The following GRAMD4 variants were observed in gnomAD, a reference collection of about 807,000 sequenced individuals.
The protein encoded by GRAMD4 is GRAM domain containing 4.
A neutral mutation model predicts 83.9 loss-of-function variants in GRAMD4; 25 were observed. The ratio of observed to expected loss-of-function variants is 0.30; its 90% confidence interval spans 0.22 to 0.42. The LOEUF is 0.42. Ranked by LOEUF, GRAMD4 falls within the 10% of genes least tolerant of loss-of-function variation. The pLI is 1.00. For missense variants in GRAMD4, 593 were observed against 788.7 expected (o/e 0.75, Z 2.97); for synonymous variants, 336 against 320.9 (o/e 1.05, Z -0.50).
intron 17 of GRAMD4, 43 bp downstream of exon 17, chr22:46,675,595 C>CG: frequency 8.0e-7 from 1 of 1,246,630 alleles, no homozygotes; most frequent in Non-Finnish European, 1.2e-6. Context: ...GTGTTTTCTT[C>CG]GTCACCTGAC....
At chr22:46,616,437 CCCCTGTGCGTGTAGGTTCCCCCGT>C, upstream of GRAMD4, among the ~76,000 whole-genome samples, 1 of 121,444 alleles carries the variant, frequency 8.2e-6, no homozygotes, top group African/African-American at 3.3e-5. Flanking sequence ...TGAGTAGGTT[CCCCTGTGCGTGTAGGTTCCCCCGT>C]GTGTAGGTTC....
intron 1 of GRAMD4, among the ~76,000 whole-genome samples, chr22:46,586,827 G>A (rs996765096): frequency 6.6e-6 from 1 of 152,196 alleles, no homozygotes; most frequent in Non-Finnish European, 1.5e-5. Flanking sequence ...CAGCTGATGA[G>A]GAGGGAGCTG....
chr22:46,663,778 G>C (rs776464728), intron 6 of GRAMD4, 60 bp from the exon 7 acceptor site: 13 of 1,548,238 alleles, frequency 8.4e-6, no homozygotes, highest in African/African-American at 2.7e-5. Flanking sequence ...CGGGCAGTGG[G>C]GACTGCAGAG....
intron 1 of GRAMD4, among the ~76,000 whole-genome samples, chr22:46,597,211 C>T (rs1291620062): frequency 1.3e-5 from 2 of 152,160 alleles, no homozygotes; most frequent in South Asian, 2.1e-4. Flanking sequence ...CAGACCAGCT[C>T]CTGCTCAGTG....
At chr22:46,658,604 G>C (rs898632160) in intron 4 of GRAMD4, among the ~76,000 whole-genome samples, 1 of 152,112 alleles carries the variant, frequency 6.6e-6, no homozygotes, top group Non-Finnish European at 1.5e-5. Flanking sequence ...CTGAAGAGAG[G>C]CTTGGCATGG....
At chr22:46,635,065 CTGG>C (rs2081839334) in intron 2 of GRAMD4, among the ~76,000 whole-genome samples, 1 of 149,460 alleles carries the variant, frequency 6.7e-6, no homozygotes, top group African/African-American at 2.5e-5. Flanking sequence ...GGTACCACCC[CTGG>C]CCACTCCTGT....
chr22:46,680,060 C>T (rs1009750022), downstream of GRAMD4, among the ~76,000 whole-genome samples: 9 of 152,108 alleles, frequency 5.9e-5, no homozygotes, highest in South Asian at 2.1e-4. Context: ...GGCCAGGTGG[C>T]GAGGGACGCG....
At chr22:46,585,019 C>T (rs1602291099) in intron 1 of GRAMD4, among the ~76,000 whole-genome samples, 3 of 152,276 alleles carry the variant, frequency 2.0e-5, no homozygotes, top group Admixed American at 6.5e-5. Flanking sequence ...TCTACAGAGC[C>T]GCATCTGCTG....
At position 46,678,845 on chromosome 22, in the gene GRAMD4, G is replaced by A. The variant is rs1472285541; in HGVS notation, c.*1594G>A. The stretch of plus-strand genomic sequence containing the variant: ...CCGGGGGTGCTTTGGGGGGAGCTGC[G>A]CCGATCACCAGATTAAGCACATGTC... On this transcript the variant is annotated 3_prime_UTR_variant, in exon 19 of 19. Coordinates refer to ENST00000406902, the MANE Select transcript of GRAMD4 (RefSeq NM_015124.5). 22 of 985,968 alleles carry A rather than the reference G, an allele frequency of 2.2e-5. No homozygotes were observed. The highest frequency in any genetic ancestry group is 2.3e-5 in the Non-Finnish European group (19 of 830,074). 61.1% of individuals were successfully genotyped at this position (985,968 alleles called of 1,614,324 possible). A position where few individuals can be genotyped will look rare whatever the true frequency, so the allele number is the denominator to read the frequency against.
intron 3 of GRAMD4, among the ~76,000 whole-genome samples, chr22:46,639,905 G>A (rs1045792776): frequency 2.6e-5 from 4 of 152,072 alleles, no homozygotes; most frequent in South Asian, 2.1e-4. Context: ...ATGGGCTGCC[G>A]ACAGGGTTCA....
At chr22:46,668,562 G>T in intron 11 of GRAMD4, 127 bp from the exon 12 acceptor site, 1 of 883,928 alleles carries the variant, frequency 1.1e-6, no homozygotes, top group East Asian at 2.4e-5. Flanking sequence ...CCTAGGAGCA[G>T]CCGGGCAGGA....
rs1023167004 is a variant in GRAMD4 at position 46,678,127 on chromosome 22, C to T, written c.*876C>T. On this transcript the variant is annotated 3_prime_UTR_variant, in exon 19 of 19. Coordinates refer to ENST00000406902, the MANE Select transcript of GRAMD4 (RefSeq NM_015124.5). ...ACATCCGCGAAGGCTGTTGGAGGTG[C>T]TCCGAGCACTGTGGCATGTCTGGCA... 2.4e-4 allele frequency: 241 copies of T among 985,504 alleles called. No homozygotes were observed. Among genetic ancestry groups the T allele is most frequent in the Non-Finnish European group, 2.8e-4 (235 of 830,062 alleles). 61.0% of individuals were successfully genotyped at this position (985,504 alleles called of 1,614,324 possible).
Position 46,678,859 on chromosome 22 carries a change from T to TA in GRAMD4, c.*1610dup. On this transcript the variant is annotated 3_prime_UTR_variant, in exon 19 of 19. Transcript: ENST00000406902. ...GGGGGAGCTGCGCCGATCACCAGAT[T>TA]AAGCACATGTCCTATCCCAGGCGGT... 1 of 986,004 alleles carries TA rather than the reference T, an allele frequency of 1.0e-6. No individual in the cohort carries two copies. Among genetic ancestry groups the TA allele is most frequent in the Non-Finnish European group, 1.2e-6 (1 of 830,020 alleles). 61.1% of individuals were successfully genotyped at this position (986,004 alleles called of 1,614,324 possible). A position where few individuals can be genotyped will look rare whatever the true frequency, so the allele number is the denominator to read the frequency against.
At chr22:46,671,159 C>T (rs1330401398) in intron 13 of GRAMD4, 3 of 455,860 alleles carry the variant, frequency 6.6e-6, no homozygotes, top group South Asian at 3.1e-5. Context: ...CCTGGGTCGG[C>T]CACCACGTGG....
intron 1 of GRAMD4, among the ~76,000 whole-genome samples, chr22:46,595,231 A>G (rs1251989070): frequency 6.6e-6 from 1 of 152,194 alleles, no homozygotes; most frequent in Non-Finnish European, 1.5e-5. Flanking sequence ...CTACAGGTAG[A>G]GACCATGCGA....
At chr22:46,631,421 C>T (rs1036108403) in intron 2 of GRAMD4, among the ~76,000 whole-genome samples, 2 of 149,342 alleles carry the variant, frequency 1.3e-5, no homozygotes, top group African/African-American at 5.1e-5. Flanking sequence ...TAGAACCTCA[C>T]AGCCTGTGTC....
intron 2 of GRAMD4, among the ~76,000 whole-genome samples, chr22:46,629,628 G>T (rs1243830806): frequency 6.6e-6 from 1 of 152,174 alleles, no homozygotes; most frequent in Non-Finnish European, 1.5e-5. Flanking sequence ...CTTGGGGGTT[G>T]GTTTTATAAC....
rs138489 is a variant in GRAMD4 at position 46,620,455 on chromosome 22, C to T, written c.-160C>T. 0.88 allele frequency: 863,484 copies of T among 984,860 alleles called. 378,757 individuals carry two copies. The highest frequency in any genetic ancestry group is 1 in the East Asian group (8,742 of 8,762). The allele number at this position is 984,860 out of a possible 1,614,324, so 61.0% of individuals were successfully genotyped here. On this transcript the variant is annotated 5_prime_UTR_variant, in exon 1 of 19. Coordinates refer to ENST00000406902, the MANE Select transcript of GRAMD4 (RefSeq NM_015124.5). This position sits in a 1 kb window ranked among gnomAD's most constrained non-coding sequence, Gnocchi z 4.7. Reference sequence around the variant, plus strand: ...CCTCTCCGTGCCTGCTGGTGTTGGGCGGCTTGGAGGCTATGGTTCCTGGGT... The same window carrying T: ...CCTCTCCGTGCCTGCTGGTGTTGGGTGGCTTGGAGGCTATGGTTCCTGGGT...
At chr22:46,591,288 G>A (rs115559033) in intron 1 of GRAMD4, among the ~76,000 whole-genome samples, 3,110 of 151,748 alleles carry the variant, frequency 0.02, 114 homozygotes, top group African/African-American at 0.072. Flanking sequence ...AGGCTGAGAG[G>A]GGGAGGATTG....
Sources: allele counts gnomAD v4.1 joint callset (sites outside exome capture counted in the v4.1 genomes callset), GRCh38; gene constraint gnomAD v4.1.1; non-coding constraint Gnocchi (gnomAD v3.1); transcripts MANE v1.5; gene names NCBI Gene and HGNC (gene_info 2026-07-23, HGNC 2026-07-21).